Variants in ADAM12 observed in about 807,000 individuals in gnomAD.
ADAM12 encodes the protein disintegrin and metalloproteinase domain-containing protein 12.
A neutral mutation model predicts 106.4 loss-of-function variants in ADAM12; 70 were observed. The observed-to-expected ratio is 0.66, with a 90% CI of 0.54 to 0.80. ADAM12 has a LOEUF of 0.80. Among genes scored for constraint, ADAM12 ranks in the 30% least tolerant of loss-of-function variants. The pLI is 0.00. For missense variants in ADAM12, 1,010 were observed against 1,171.9 expected, an observed-to-expected ratio of 0.86 and a Z score of 2.02; for synonymous variants, 420 against 433.5, an observed-to-expected ratio of 0.97 and a Z score of 0.39.
intron 16 of ADAM12, among the ~76,000 whole-genome samples, chr10:126,046,936 A>G (rs1386356873): frequency 6.6e-6 from 1 of 152,112 alleles, no homozygotes; most frequent in African/African-American, 2.4e-5. Context: ...AGAGGTTGAA[A>G]TATGGGAACT....
chr10:126,064,723 C>T lies in ADAM12; in HGVS notation c.1609+83G>A. Reference sequence around the variant, plus strand: ...AGCGCCCGCCAGGAGTGGGGGCTAACCAAAACAGAGCACATGCCCCCAGTC... The same window carrying T: ...AGCGCCCGCCAGGAGTGGGGGCTAATCAAAACAGAGCACATGCCCCCAGTC... On this transcript the variant is annotated intron_variant, in intron 14 of 22. Transcript: ENST00000448723. This position sits in a 1 kb window ranked among gnomAD's most constrained non-coding sequence, Gnocchi z 4.4. The T allele has an allele frequency of 6.9e-7, 1 of 1,439,776 alleles. No individual in the cohort carries two copies. 89.2% of individuals were successfully genotyped at this position (1,439,776 alleles called of 1,614,324 possible). A position where few individuals can be genotyped will look rare whatever the true frequency, so the allele number is the denominator to read the frequency against.
At chr10:126,243,483 GAGTGTA>G (rs1269370357) in intron 3 of ADAM12, among the ~76,000 whole-genome samples, 13 of 95,444 alleles carry the variant, frequency 1.4e-4, no homozygotes, top group African/African-American at 4.5e-4. Context: ...CTGTGTGTGT[GAGTGTA>G]TGTGTGTGTG....
At chr10:126,260,935 T>C (rs982002287) in intron 3 of ADAM12, among the ~76,000 whole-genome samples, 2 of 152,118 alleles carry the variant, frequency 1.3e-5, no homozygotes, top group East Asian at 1.9e-4. Flanking sequence ...TTTCAACCAA[T>C]TGCAGATTGA....
At chr10:126,345,941 T>C (rs1177321127) in intron 1 of ADAM12, among the ~76,000 whole-genome samples, 1 of 152,206 alleles carries the variant, frequency 6.6e-6, no homozygotes, top group African/African-American at 2.4e-5. Context: ...TAGAGGTCTA[T>C]CAATTTTGTT....
At chr10:126,317,860 G>A (rs957015705) in intron 2 of ADAM12, among the ~76,000 whole-genome samples, 1 of 152,100 alleles carries the variant, frequency 6.6e-6, no homozygotes, top group Non-Finnish European at 1.5e-5. Context: ...CTGAGTTCAA[G>A]CAATTCTCCT....
intron 1 of ADAM12, among the ~76,000 whole-genome samples, chr10:126,333,639 C>A (rs1357474234): frequency 6.6e-6 from 1 of 152,126 alleles, no homozygotes; most frequent in African/African-American, 2.4e-5. Flanking sequence ...CTACAGAAAC[C>A]AAGTGTAAAG....
chr10:126,097,746 G>A (rs1412770469), intron 10 of ADAM12, among the ~76,000 whole-genome samples: 9 of 152,156 alleles, frequency 5.9e-5, no homozygotes, highest in African/African-American at 2.2e-4. Flanking sequence ...ATGAAGTGGA[G>A]CACAAGCCCC....
At chr10:126,121,194 A>ATATATAC (rs1956099073) in intron 5 of ADAM12, among the ~76,000 whole-genome samples, 2 of 104,010 alleles carry the variant, frequency 1.9e-5, no homozygotes, top group Non-Finnish European at 3.5e-5. Context: ...TATATACTAT[A>ATATATAC]TATATACTAT....
intron 21 of ADAM12, among the ~76,000 whole-genome samples, chr10:126,021,609 T>A (rs1247673132): frequency 5.3e-5 from 8 of 151,994 alleles, no homozygotes; most frequent in Admixed American, 4.6e-4. Flanking sequence ...ATAGAAAAAA[T>A]TCCCTAGCTA....
chr10:126,071,791 C>CA (rs1432203687), intron 11 of ADAM12, 137 bp from the exon 12 acceptor site: 6 of 887,408 alleles, frequency 6.8e-6, no homozygotes, highest in Non-Finnish European at 1.7e-6. Flanking sequence ...CAATGCATAT[C>CA]AAAAAACTCA....
intron 3 of ADAM12, among the ~76,000 whole-genome samples, chr10:126,238,136 T>G (rs1958454700): frequency 6.6e-6 from 1 of 152,240 alleles, no homozygotes; most frequent in African/African-American, 2.4e-5. Flanking sequence ...TAGGAGTACA[T>G]ACATTGCGTA....
At chr10:126,087,739 C>G (rs1955384307) in intron 11 of ADAM12, among the ~76,000 whole-genome samples, 1 of 152,204 alleles carries the variant, frequency 6.6e-6, no homozygotes, top group African/African-American at 2.4e-5. Flanking sequence ...TTCAGGAAAG[C>G]AAGTTCTACA....
At chr10:126,149,925 C>A (rs1956699886) in intron 4 of ADAM12, among the ~76,000 whole-genome samples, 1 of 152,202 alleles carries the variant, frequency 6.6e-6, no homozygotes, top group African/African-American at 2.4e-5. Context: ...TTAACAAACT[C>A]CCCTTCATAT....
At chr10:126,189,943 C>A (rs1013785722) in intron 3 of ADAM12, among the ~76,000 whole-genome samples, 1 of 152,174 alleles carries the variant, frequency 6.6e-6, no homozygotes, top group Non-Finnish European at 1.5e-5. Context: ...CACATCATCA[C>A]TCAGTTCTTA....
intron 21 of ADAM12, among the ~76,000 whole-genome samples, chr10:126,029,952 T>C (rs1472437184): frequency 2.0e-5 from 3 of 152,230 alleles, no homozygotes; most frequent in Non-Finnish European, 4.4e-5. Flanking sequence ...ATCAAATTTC[T>C]AAATGCATAT....
At chr10:126,265,937 AT>A (rs1565178309) in intron 3 of ADAM12, among the ~76,000 whole-genome samples, 1 of 152,366 alleles carries the variant, frequency 6.6e-6, no homozygotes, top group Admixed American at 6.5e-5. Context: ...CTGGCTGGAC[AT>A]TTGATAGTAC....
intron 4 of ADAM12, among the ~76,000 whole-genome samples, chr10:126,147,382 T>G (rs1956647963): frequency 6.6e-6 from 1 of 152,162 alleles, no homozygotes; most frequent in African/African-American, 2.4e-5. Flanking sequence ...TCCCTCTGAC[T>G]ACGACTTCAT....
intron 3 of ADAM12, among the ~76,000 whole-genome samples, chr10:126,206,863 G>GGGGT (rs1957808235): frequency 6.8e-6 from 1 of 147,924 alleles, no homozygotes; most frequent in African/African-American, 2.5e-5. Flanking sequence ...GTGGGGGCGG[G>GGGGT]GGGGAGCCAG....
intron 3 of ADAM12, among the ~76,000 whole-genome samples, chr10:126,164,435 A>G (rs1263663336): frequency 6.6e-6 from 1 of 152,228 alleles, no homozygotes; most frequent in Admixed American, 6.5e-5. Context: ...TTACTTTATC[A>G]TGTCATCATT....
Sources: gnomAD v4.1 joint callset for allele counts (sites outside exome capture counted in the v4.1 genomes callset) on GRCh38, gnomAD v4.1.1 for gene constraint, Gnocchi (gnomAD v3.1) non-coding constraint, MANE v1.5 for transcripts, NCBI Gene and HGNC (gene_info 2026-07-23, HGNC 2026-07-21) for gene names.